Variants in NAV2 observed in about 807,000 individuals in gnomAD.
The protein encoded by NAV2 is neuron navigator 2.
NAV2 carries 54 observed loss-of-function variants against 223.2 expected under a neutral mutation model. The observed-to-expected ratio is 0.24, with a 90% CI of 0.19 to 0.30. The LOEUF (loss-of-function observed/expected upper bound fraction) is 0.30, where lower values mean the gene tolerates loss of function less well. Ranked by LOEUF, NAV2 falls within the 10% of genes least tolerant of loss-of-function variation. The pLI is 1.00. For missense variants in NAV2, 2,806 were observed against 3,147.5 expected, an observed-to-expected ratio of 0.89 and a Z score of 2.60; for synonymous variants, 1,279 against 1,239.3, an observed-to-expected ratio of 1.03 and a Z score of -0.67.
chr11:19,582,133 T>C (rs1369235022), intron 1 of NAV2, among the ~76,000 whole-genome samples: 2 of 152,264 alleles, frequency 1.3e-5, no homozygotes, highest in African/African-American at 4.8e-5. Context: ...GAGCATTTTT[T>C]CATGTGTTTT....
chr11:20,023,160 G>A (rs1428190180), intron 11 of NAV2: 2 of 1,550,124 alleles, frequency 1.3e-6, no homozygotes, highest in Non-Finnish European at 1.7e-6. Flanking sequence ...AATTTCTGGG[G>A]CCAGGGGGTG....
At chr11:19,844,797 T>A (rs2060696368) in intron 3 of NAV2, among the ~76,000 whole-genome samples, 1 of 151,342 alleles carries the variant, frequency 6.6e-6, no homozygotes, top group Non-Finnish European at 1.5e-5. Context: ...TTTTTTGTTT[T>A]TGTTTTTGTG....
chr11:19,584,298 T>A (rs1184465420), intron 1 of NAV2, among the ~76,000 whole-genome samples: 1 of 152,232 alleles, frequency 6.6e-6, no homozygotes. Context: ...GCTAGCGGTC[T>A]ATCGATTTTA....
Position 19,687,373 on chromosome 11 carries a change from C to G in NAV2, c.76-145111C>G, listed in dbSNP as rs188674606. 5.6e-3 allele frequency among the ~76,000 whole-genome samples: 849 copies of G among 152,326 alleles called. 5 individuals carry two copies. The highest frequency in any genetic ancestry group is 0.041 in the Middle Eastern group (12 of 294). ...TAACCTGGTTCTGTGCTTGTTTTTA[C>G]ATTTAAATTTTCATTGAAATATTAC... On this transcript the variant is annotated intron_variant, in intron 1 of 37. Coordinates refer to the NAV2 transcript ENST00000360655.
In NAV2 at chr11:19,692,455, T is replaced by C. The variant is rs186935844; in HGVS notation, c.76-140029T>C. On this transcript the variant is annotated intron_variant, in intron 1 of 37. Transcript: ENST00000360655. ...TGACTTATCTGGAAACATCTAAGTATGCTGTGGTCTATAGACAAAACATCC... is the reference window on the plus strand; with the variant it reads ...TGACTTATCTGGAAACATCTAAGTACGCTGTGGTCTATAGACAAAACATCC... 2.1e-3 allele frequency among the ~76,000 whole-genome samples: 321 copies of C among 152,358 alleles called. 2 individuals carry two copies. The highest frequency in any genetic ancestry group is 1.4e-3 in the Non-Finnish European group (93 of 68,040).
At chr11:19,381,024 G>C (rs892694955) in intron 1 of NAV2, among the ~76,000 whole-genome samples, 1 of 152,218 alleles carries the variant, frequency 6.6e-6, no homozygotes, top group African/African-American at 2.4e-5. Context: ...GTGGTTTCCA[G>C]TGTTTCTTGC....
intron 1 of NAV2, among the ~76,000 whole-genome samples, chr11:19,519,554 A>G (rs2043576091): frequency 6.6e-6 from 1 of 152,210 alleles, no homozygotes. Flanking sequence ...GCCACCTAAC[A>G]GAGAGTGCGT....
At chr11:19,988,949 C>T (rs893497454) in intron 11 of NAV2, among the ~76,000 whole-genome samples, 6 of 152,156 alleles carry the variant, frequency 3.9e-5, no homozygotes, top group African/African-American at 1.4e-4. Context: ...AGGTCCCCAG[C>T]CTGCAGATGC....
chr11:19,870,177 C>T (rs989067617), intron 4 of NAV2, among the ~76,000 whole-genome samples: 4 of 152,154 alleles, frequency 2.6e-5, no homozygotes, highest in African/African-American at 9.7e-5. Context: ...CCAGAAGATT[C>T]CCCAGCCCTG....
At chr11:19,762,874 A>G (rs925055268) in intron 1 of NAV2, among the ~76,000 whole-genome samples, 2 of 152,104 alleles carry the variant, frequency 1.3e-5, no homozygotes, top group Non-Finnish European at 2.9e-5. Context: ...AGCCTCCCAA[A>G]GTACTAGGAT....
chr11:19,429,292 G>T (rs964611144), intron 1 of NAV2, among the ~76,000 whole-genome samples: 2 of 151,934 alleles, frequency 1.3e-5, no homozygotes, highest in African/African-American at 4.8e-5. Context: ...TCTTGGCACG[G>T]CCAAGGGGGC....
At chr11:19,583,651 G>C (rs563561757) in intron 1 of NAV2, among the ~76,000 whole-genome samples, 7 of 143,278 alleles carry the variant, frequency 4.9e-5, no homozygotes, top group Non-Finnish European at 1.1e-4. Context: ...GGTTTTTGTC[G>C]TTGGTTCTGT....
chr11:19,884,854 G>A (rs1178267108), intron 5 of NAV2, among the ~76,000 whole-genome samples: 2 of 152,178 alleles, frequency 1.3e-5, no homozygotes, highest in East Asian at 3.9e-4. Context: ...AAAGACTTGA[G>A]CATGAATCCA....
chr11:19,817,703 C>A (rs2059163680), intron 1 of NAV2, among the ~76,000 whole-genome samples: 1 of 152,136 alleles, frequency 6.6e-6, no homozygotes, highest in South Asian at 2.1e-4. Flanking sequence ...GCTGAGAGGT[C>A]CTGCAAAGGG....
In NAV2 at chr11:19,946,414, G is replaced by A. The variant is rs143645887; in HGVS notation, c.2160G>A (p.Glu720=). Reference sequence around the variant, plus strand: ...TCATCTTTCTAGGGGAAGATCCTGAGGCTCGGCGGCTGCGGACAGTGAAGA... The same window carrying A: ...TCATCTTTCTAGGGGAAGATCCTGAAGCTCGGCGGCTGCGGACAGTGAAGA... ...ALEELTGEDP[E]ARRLRTVKNI... Residue 720 remains glutamate, a synonymous_variant, in exon 9 of 38, where the codon GAG becomes GAA. Transcript: ENST00000349880. The A allele has an allele frequency of 1.7e-4, 276 of 1,612,630 alleles. 1 individual carries two copies. The African/African-American group carries it at 3.2e-3, about 19-fold the overall frequency.
intron 1 of NAV2, among the ~76,000 whole-genome samples, chr11:19,761,376 G>A (rs1405825437): frequency 1.4e-4 from 21 of 152,156 alleles, no homozygotes; most frequent in Non-Finnish European, 3.1e-4. Context: ...TTCAGTGAGC[G>A]ACAAGTACTA....
At chr11:19,449,648 G>A (rs957817848) in intron 1 of NAV2, among the ~76,000 whole-genome samples, 3 of 151,876 alleles carry the variant, frequency 2.0e-5, no homozygotes, top group African/African-American at 7.3e-5. Context: ...GGCACGGGGT[G>A]GGGTGCTTTT....
intron 1 of NAV2, among the ~76,000 whole-genome samples, chr11:19,693,756 G>A (rs998246343): frequency 6.6e-5 from 10 of 152,184 alleles, no homozygotes; most frequent in African/African-American, 2.4e-4. Context: ...CCAGCGACTG[G>A]TGTAACATTG....
chr11:20,031,197 C>G (rs1434673398), intron 11 of NAV2, among the ~76,000 whole-genome samples: 1 of 152,200 alleles, frequency 6.6e-6, no homozygotes, highest in Non-Finnish European at 1.5e-5. Context: ...GGTCCCCAAG[C>G]CACTTCTCTG....
Sources: allele counts gnomAD v4.1 joint callset (sites outside exome capture counted in the v4.1 genomes callset), GRCh38; gene constraint gnomAD v4.1.1; transcripts MANE v1.5; gene names NCBI Gene and HGNC (gene_info 2026-07-23, HGNC 2026-07-21).